SORCS2: variants seen among roughly 807,000 people sequenced by gnomAD.
The protein encoded by SORCS2 is VPS10 domain-containing receptor SorCS2.
A neutral mutation model predicts 141.6 loss-of-function variants in SORCS2; 100 were observed. That is an observed-to-expected ratio of 0.71 (90% CI 0.60 to 0.83). The LOEUF is 0.83. Among genes scored for constraint, SORCS2 ranks in the 40% least tolerant of loss-of-function variants. SORCS2 has a pLI of 0.00. For synonymous variants in SORCS2, 789 were observed against 676.9 expected, an observed-to-expected ratio of 1.17 and a Z score of -2.57; for missense variants, 1,646 against 1,560.2, an observed-to-expected ratio of 1.05 and a Z score of -0.93.
intron 3 of SORCS2, among the ~76,000 whole-genome samples, chr4:7,533,131 T>G (rs1711799833): frequency 2.0e-5 from 3 of 151,046 alleles, no homozygotes; most frequent in Admixed American, 2.0e-4. Flanking sequence ...ACGAGAGAGG[T>G]GAGATTTGCT....
At chr4:7,558,200 T>C (rs1245820152) in intron 3 of SORCS2, among the ~76,000 whole-genome samples, 5 of 152,164 alleles carry the variant, frequency 3.3e-5, no homozygotes, top group Non-Finnish European at 1.5e-5. Flanking sequence ...CATAACTGAC[T>C]CCATTTGAGA....
intron 3 of SORCS2, among the ~76,000 whole-genome samples, chr4:7,612,614 G>T (rs35797846): frequency 1.3e-5 from 2 of 152,074 alleles, no homozygotes; most frequent in Non-Finnish European, 2.9e-5. Flanking sequence ...GCAGTGACTC[G>T]GCTGGGTGTG....
Position 7,654,881 on chromosome 4 carries a change from G to A in SORCS2, c.887+674G>A, listed in dbSNP as rs557495019. The stretch of plus-strand genomic sequence containing the variant: ...GGGCCACTGGGGGCCCCTGTGTTCC[G>A]ATGGTGGGTACCAGCCACTCGAGTG... On this transcript the variant is annotated intron_variant, in intron 5 of 26. Transcript: ENST00000507866. Among the ~76,000 whole-genome samples, 18 of 152,302 alleles carry A rather than the reference G, an allele frequency of 1.2e-4. No homozygotes were observed. In the South Asian group the frequency reaches 1.5e-3, roughly 12 times the overall value.
chr4:7,400,009 C>T (rs565448403), intron 2 of SORCS2, among the ~76,000 whole-genome samples: 19 of 152,260 alleles, frequency 1.2e-4, no homozygotes, highest in Middle Eastern at 3.4e-3. Context: ...CTAACAAGCT[C>T]CCGAGTGCTG....
chr4:7,615,904 C>A (rs1006762289), intron 3 of SORCS2, among the ~76,000 whole-genome samples: 2 of 152,200 alleles, frequency 1.3e-5, no homozygotes, highest in Non-Finnish European at 2.9e-5. Context: ...AAAGGATGCA[C>A]AGTTAAATTT....
At chr4:7,437,939 A>T (rs180673382) in intron 2 of SORCS2, among the ~76,000 whole-genome samples, 312 of 152,264 alleles carry the variant, frequency 2.0e-3, no homozygotes, top group Non-Finnish European at 3.0e-3. Flanking sequence ...TTTTTTTATA[A>T]CCTTCGAGCG....
At chr4:7,624,876 C>T (rs1719423899) in intron 3 of SORCS2, among the ~76,000 whole-genome samples, 1 of 152,212 alleles carries the variant, frequency 6.6e-6, no homozygotes, top group Non-Finnish European at 1.5e-5. Flanking sequence ...GCGCAAAACC[C>T]CTTAAGAGAA....
chr4:7,459,684 A>G (rs1355835106), intron 2 of SORCS2, among the ~76,000 whole-genome samples: 1 of 152,168 alleles, frequency 6.6e-6, no homozygotes, highest in Non-Finnish European at 1.5e-5. Context: ...CAGAGTGCTC[A>G]GGAGGACTTC....
chr4:7,496,236 C>T (rs2109414746), intron 2 of SORCS2, among the ~76,000 whole-genome samples: 1 of 152,248 alleles, frequency 6.6e-6, no homozygotes, highest in South Asian at 2.1e-4. Flanking sequence ...CCTCCTGGAA[C>T]CTGCAAAGAA....
chr4:7,456,093 C>A (rs182168109), intron 2 of SORCS2, among the ~76,000 whole-genome samples: 1 of 152,146 alleles, frequency 6.6e-6, no homozygotes, highest in Admixed American at 6.5e-5. Context: ...CTCACGTGGT[C>A]GTCCCTCTAT....
At chr4:7,407,748 C>T (rs892582348) in intron 2 of SORCS2, among the ~76,000 whole-genome samples, 2 of 151,976 alleles carry the variant, frequency 1.3e-5, no homozygotes, top group African/African-American at 2.4e-5. Context: ...TTTTGTATAT[C>T]CCCTCTTCCT....
At position 7,601,862 on chromosome 4, in the gene SORCS2, G is replaced by A. The variant is rs539550474; in HGVS notation, c.649-36466G>A. ...CCCTGAGTATGTGAGATTAGGGAGC[G>A]GTGATGACTCTTAACGAGCATGCTG... On this transcript the variant is annotated intron_variant, in intron 3 of 26. Transcript: ENST00000507866. Among the ~76,000 whole-genome samples, 78 of 152,060 alleles carry A rather than the reference G, an allele frequency of 5.1e-4. No individual in the cohort carries two copies. The South Asian group carries it at 0.01, about 20-fold the overall frequency.
At chr4:7,713,404 G>A (rs1165406441) in intron 15 of SORCS2, among the ~76,000 whole-genome samples, 1 of 152,028 alleles carries the variant, frequency 6.6e-6, no homozygotes, top group Admixed American at 6.5e-5. Flanking sequence ...ACTGCTCGGG[G>A]GTGGGTGGCC....
intron 1 of SORCS2, among the ~76,000 whole-genome samples, chr4:7,392,930 G>A (rs968152563): frequency 2.0e-5 from 3 of 151,284 alleles, no homozygotes; most frequent in African/African-American, 7.3e-5. Context: ...GAGAGTGGAT[G>A]AGTCGATGCT....
chr4:7,676,030 C>A lies in SORCS2; in HGVS notation c.1162-20C>A, dbSNP rs190992233. 1.9e-5 allele frequency: 30 copies of A among 1,564,122 alleles called. No homozygotes were observed. In the South Asian group the frequency reaches 3.4e-4, roughly 18 times the overall value. The stretch of plus-strand genomic sequence containing the variant: ...CCCCCAGCCTGGCTCTGACCCTGTG[C>A]TCCCTGCACATCCCCACAGGATCTG... On this transcript the variant is annotated intron_variant, in intron 8 of 26. Transcript: ENST00000507866.
intron 2 of SORCS2, among the ~76,000 whole-genome samples, chr4:7,503,994 A>T (rs1253293492): frequency 6.6e-6 from 1 of 151,726 alleles, no homozygotes; most frequent in Non-Finnish European, 1.5e-5. Context: ...CTCCCCTGCT[A>T]CTCCACCCGG....
intron 3 of SORCS2, among the ~76,000 whole-genome samples, chr4:7,544,712 T>C (rs1713110654): frequency 6.6e-6 from 1 of 152,236 alleles, no homozygotes; most frequent in Non-Finnish European, 1.5e-5. Context: ...GGTGAGCTAG[T>C]TCAGGGCCCT....
At chr4:7,433,548 C>T in intron 2 of SORCS2, 1 of 1,610,804 alleles carries the variant, frequency 6.2e-7, no homozygotes, top group African/African-American at 1.3e-5. Flanking sequence ...CGGGCTCGTA[C>T]TGGGTGACGA....
At chr4:7,433,568 A>G (rs377407945) in intron 2 of SORCS2, 1 of 1,611,752 alleles carries the variant, frequency 6.2e-7, no homozygotes, top group African/African-American at 1.3e-5. Flanking sequence ...AAGTGCTTGC[A>G]CTGGATCATA....
Sources: gnomAD v4.1 joint callset for allele counts (sites outside exome capture counted in the v4.1 genomes callset) on GRCh38, gnomAD v4.1.1 for gene constraint, MANE v1.5 for transcripts, NCBI Gene and HGNC (gene_info 2026-07-23, HGNC 2026-07-21) for gene names.